Variants in IFNLR1 observed in about 807,000 individuals in gnomAD.
The protein encoded by IFNLR1 is CRF2-12.
A neutral mutation model predicts 52.5 loss-of-function variants in IFNLR1; 28 were observed. The ratio of observed to expected loss-of-function variants is 0.53; its 90% CI spans 0.40 to 0.73. The LOEUF is 0.73. IFNLR1 is among the 30% of genes least tolerant of loss of function. IFNLR1 has a pLI of 0.00. For synonymous variants in IFNLR1, 276 were observed against 274.9 expected, an observed-to-expected ratio of 1.00 and a Z score of -0.04; for missense variants, 623 against 659.1, an observed-to-expected ratio of 0.95 and a Z score of 0.60.
chr1:24,162,844 T>C lies in IFNLR1; in HGVS notation c.368-1160A>G, dbSNP rs1557644194. 1.4e-3 allele frequency among the ~76,000 whole-genome samples: 93 copies of C among 65,144 alleles called. 3 individuals are homozygous for C. Among genetic ancestry groups the C allele is most frequent in the Middle Eastern group, 5.7e-3 (1 of 174 alleles). The allele number at this position is 65,144 out of a possible 152,430, so 42.7% of individuals were successfully genotyped here. A position where few individuals can be genotyped will look rare whatever the true frequency, so the allele number is the denominator to read the frequency against. ...CTTCTTTCTTTCTTTTCTTTCTTTC[T>C]TTCTTTCTTTCTTTCTTTCTTTCTT... On this transcript the variant is annotated intron_variant, in intron 3 of 6. Transcript: ENST00000327535.
rs886793004 is a variant in IFNLR1, at chr1:24,171,875, C to T, written c.183-2274G>A. Reference sequence around the variant, plus strand: ...TTTACCATGTTGCCCAGGCTGGTCTCAAACTCCTGACCTCAGGTGATCCAT... The same window carrying T: ...TTTACCATGTTGCCCAGGCTGGTCTTAAACTCCTGACCTCAGGTGATCCAT... On this transcript the variant is annotated intron_variant, in intron 2 of 6. Coordinates refer to ENST00000327535, the MANE Select transcript of IFNLR1 (RefSeq NM_170743.4). Among the ~76,000 whole-genome samples the T allele has an allele frequency of 4.0e-5, 6 of 151,792 alleles. No homozygotes were observed. In the South Asian group the frequency reaches 8.3e-4, roughly 21 times the overall value.
chr1:24,162,786 C>CTTTCT (rs1644465451), intron 3 of IFNLR1, among the ~76,000 whole-genome samples: 1 of 61,608 alleles, frequency 1.6e-5, no homozygotes, highest in Non-Finnish European at 3.3e-5. Flanking sequence ...CTTTTTCTTT[C>CTTTCT]TTTTTCTTTC....
rs573848533 is a variant in IFNLR1, at chr1:24,184,943, C to T, written c.58+2248G>A. On this transcript the variant is annotated intron_variant, in intron 1 of 6. Transcript: ENST00000327535. ...CTGAGACACGAGAATTGCTTGAACC[C>T]GATAGGTGGAGGTTGCAGTGAGCCG... is the stretch of plus-strand genomic sequence containing the variant. 4.3e-3 allele frequency among the ~76,000 whole-genome samples: 649 copies of T among 152,174 alleles called. 3 individuals are homozygous for T. Among genetic ancestry groups the T allele is most frequent in the Non-Finnish European group, 6.0e-3 (411 of 68,010 alleles).
intron 3 of IFNLR1, among the ~76,000 whole-genome samples, chr1:24,164,757 C>CT (rs1364147123): frequency 7.1e-6 from 1 of 140,922 alleles, no homozygotes; most frequent in East Asian, 2.3e-4. Flanking sequence ...TGGGAGCAAT[C>CT]TCTTTTTTTT....
At chr1:24,179,447 ATAT>A (rs1644666547) in intron 2 of IFNLR1, among the ~76,000 whole-genome samples, 2 of 152,204 alleles carry the variant, frequency 1.3e-5, no homozygotes, top group Admixed American at 1.3e-4. Context: ...CACACAGTAA[ATAT>A]TAGGTGTTTT....
At chr1:24,168,752 TATTA>T (rs1189832995) in intron 3 of IFNLR1, among the ~76,000 whole-genome samples, 2 of 152,174 alleles carry the variant, frequency 1.3e-5, no homozygotes, top group African/African-American at 4.8e-5. Context: ...TTTCTTTGTT[TATTA>T]ATTTTTTTCT....
intron 1 of IFNLR1, among the ~76,000 whole-genome samples, chr1:24,184,083 C>A (rs1166693402): frequency 6.6e-6 from 1 of 152,042 alleles, no homozygotes; most frequent in Non-Finnish European, 1.5e-5. Flanking sequence ...TCTGACCCAC[C>A]ACTCCTCCCT....
intron 2 of IFNLR1, among the ~76,000 whole-genome samples, chr1:24,179,205 G>A (rs955095290): frequency 1.3e-5 from 2 of 151,128 alleles, no homozygotes; most frequent in African/African-American, 2.4e-5. Context: ...CACCCACCTC[G>A]GCCTCCCAAA....
At position 24,161,581 on chromosome 1, in the gene IFNLR1, C is replaced by T. The variant is rs757242042; in HGVS notation, c.471G>A (p.Lys157=). The T allele has an allele frequency of 6.4e-7, 1 of 1,556,044 alleles. No homozygotes were observed. Among genetic ancestry groups the T allele is most frequent in the South Asian group, 1.2e-5 (1 of 84,398 alleles). The part of the protein sequence containing the change: ...LPPCMPPLDL[K]YEVAFWKEGA... ...CCTCCTTCCAGAATGCCACCTCATA[C>T]TTCAGATCCAGTGGGGGCATGCAGG... Residue 157 remains lysine (K), a synonymous_variant, in exon 4 of 7, where the codon AAG becomes AAA. Coordinates refer to ENST00000327535, the MANE Select transcript of IFNLR1 (RefSeq NM_170743.4).
rs138913832 is a variant in IFNLR1, at chr1:24,178,959, T to C, written c.182+1772A>G. Among the ~76,000 whole-genome samples the C allele has an allele frequency of 1.6e-3, 243 of 152,256 alleles. 1 individual carries two copies. Among genetic ancestry groups the C allele is most frequent in the South Asian group, 3.1e-3 (15 of 4,818 alleles). On this transcript the variant is annotated intron_variant, in intron 2 of 6. Coordinates refer to ENST00000327535, the MANE Select transcript of IFNLR1 (RefSeq NM_170743.4). ...AAGTTCAGAGGATAGACTTTCTTTC[T>C]TTTTAGGATCTTGCTCTGTTGTTCA...
chr1:24,178,932 A>G (rs1644661129), intron 2 of IFNLR1, among the ~76,000 whole-genome samples: 1 of 152,130 alleles, frequency 6.6e-6, no homozygotes, highest in Non-Finnish European at 1.5e-5. Flanking sequence ...AAAATATCAT[A>G]GAAGTTCAGA....
At chr1:24,187,150 G>T (rs935086757) in intron 1 of IFNLR1, 41 bp downstream of exon 1, 4 of 1,298,668 alleles carry the variant, frequency 3.1e-6, no homozygotes, top group Admixed American at 6.2e-5. Context: ...CCGGCCCGGG[G>T]AGCCCTCTTC....
intron 2 of IFNLR1, among the ~76,000 whole-genome samples, chr1:24,170,211 C>T (rs529759488): frequency 1.1e-4 from 17 of 152,340 alleles, no homozygotes; most frequent in Admixed American, 1.0e-3. Flanking sequence ...CTGAACTTCC[C>T]AGCCTCTAGA....
In IFNLR1 at chr1:24,162,878, TCC is replaced by T. The variant is rs765888777; in HGVS notation, c.368-1196_368-1195del. On this transcript the variant is annotated intron_variant, in intron 3 of 6. Coordinates refer to ENST00000327535, the MANE Select transcript of IFNLR1 (RefSeq NM_170743.4). Reference sequence around the variant, plus strand: ...TTCTTTCTTTCTTTCTTTCTTTCTTTCCTTCCTTCCTTCCTTCCTTCCTTCCT... The same window carrying T: ...TTCTTTCTTTCTTTCTTTCTTTCTTTTTCCTTCCTTCCTTCCTTCCTTCCT... Among the ~76,000 whole-genome samples the T allele has an allele frequency of 5.0e-5, 3 of 59,828 alleles. 1 individual carries two copies. Among genetic ancestry groups the T allele is most frequent in the African/African-American group, 2.1e-4 (3 of 14,358 alleles). 39.2% of individuals were successfully genotyped at this position (59,828 alleles called of 152,430 possible).
intron 3 of IFNLR1, among the ~76,000 whole-genome samples, chr1:24,162,773 TTTCTTTTTCTTTC>T (rs1644464027): frequency 2.6e-5 from 1 of 38,980 alleles, no homozygotes; most frequent in African/African-American, 1.2e-4. Context: ...TCTTTCTTTC[TTTCTTTTTCTTTC>T]TTTTTCTTTC....
At chr1:24,176,978 TCAAAA>T (rs891508990) in intron 2 of IFNLR1, among the ~76,000 whole-genome samples, 2 of 151,478 alleles carry the variant, frequency 1.3e-5, no homozygotes, top group African/African-American at 4.9e-5. Context: ...AAGAAGAAAA[TCAAAA>T]CAAGAGAATA....
chr1:24,170,129 C>T (rs1047313350), intron 2 of IFNLR1, among the ~76,000 whole-genome samples: 11 of 152,162 alleles, frequency 7.2e-5, no homozygotes, highest in Non-Finnish European at 1.0e-4. Flanking sequence ...TATGCGAAGA[C>T]GCAGCGAGAA....
At chr1:24,167,199 C>A (rs1383905664) in intron 3 of IFNLR1, among the ~76,000 whole-genome samples, 3 of 152,174 alleles carry the variant, frequency 2.0e-5, no homozygotes, top group African/African-American at 4.8e-5. Flanking sequence ...TCAGTGGCCC[C>A]TCTGATTGTT....
intron 4 of IFNLR1, 104 bp from the exon 5 acceptor site, chr1:24,159,737 G>GTTTTTTTTTTTTGTTT: frequency 2.2e-6 from 1 of 458,770 alleles, no homozygotes; most frequent in Non-Finnish European, 3.3e-6. Context: ...TTTTTTTTTT[G>GTTTTTTTTTTTTGTTT]TTTTTTTTTT....
Sources: gnomAD v4.1 joint callset for allele counts (sites outside exome capture counted in the v4.1 genomes callset) on GRCh38, gnomAD v4.1.1 for gene constraint, MANE v1.5 for transcripts, NCBI Gene and HGNC (gene_info 2026-07-23, HGNC 2026-07-21) for gene names.